Variants in PHLDB2 observed in about 807,000 individuals in gnomAD.
PHLDB2 encodes the protein pleckstrin homology-like domain family B member 2.
In PHLDB2, 71 loss-of-function variants were observed where a neutral mutation model predicts 123.6. The ratio of observed to expected loss-of-function variants is 0.57; its 90% CI spans 0.47 to 0.70. The LOEUF is 0.70. Among genes scored for constraint, PHLDB2 ranks in the 30% least tolerant of loss-of-function variants. The pLI, the probability that PHLDB2 is intolerant of heterozygous loss-of-function variation, is 0.00. For synonymous variants in PHLDB2, 547 were observed against 541.6 expected (o/e 1.01, Z -0.14); for missense variants, 1,446 against 1,519.5 (o/e 0.95, Z 0.80).
intron 1 of PHLDB2, among the ~76,000 whole-genome samples, chr3:111,809,396 T>C (rs1401301278): frequency 1.3e-5 from 2 of 152,218 alleles, no homozygotes; most frequent in African/African-American, 4.8e-5. Flanking sequence ...CTTATGAGAA[T>C]GCTGTCTCCA....
chr3:111,830,935 A>AAAAGAAGG (rs1396968621), intron 1 of PHLDB2, among the ~76,000 whole-genome samples: 19 of 120,068 alleles, frequency 1.6e-4, no homozygotes, highest in African/African-American at 5.9e-4. Flanking sequence ...AGAAAGAAAG[A>AAAAGAAGG]AAAGAAGGAA....
intron 2 of PHLDB2, among the ~76,000 whole-genome samples, chr3:111,909,776 TAA>T (rs552148205): frequency 2.1e-4 from 30 of 140,358 alleles, no homozygotes; most frequent in African/African-American, 5.7e-4. Flanking sequence ...TAGGTCCTCC[TAA>T]AAAAAAAAAA....
intron 1 of PHLDB2, among the ~76,000 whole-genome samples, chr3:111,750,852 A>G (rs912537666): frequency 6.6e-6 from 1 of 151,640 alleles, no homozygotes; most frequent in Non-Finnish European, 1.5e-5. Flanking sequence ...AGGCTGAGGC[A>G]TGAGAATCAC....
chr3:111,963,210 A>G (rs927509087), intron 13 of PHLDB2, among the ~76,000 whole-genome samples: 1 of 152,136 alleles, frequency 6.6e-6, no homozygotes, highest in Non-Finnish European at 1.5e-5. Flanking sequence ...CTGGCACTCT[A>G]GGTCCAGCCC....
At chr3:111,805,447 G>A (rs1160990361) in intron 1 of PHLDB2, among the ~76,000 whole-genome samples, 1 of 151,152 alleles carries the variant, frequency 6.6e-6, no homozygotes, top group Non-Finnish European at 1.5e-5. Flanking sequence ...TGTAGTCCCA[G>A]CTACTCGGGA....
intron 5 of PHLDB2, among the ~76,000 whole-genome samples, chr3:111,922,747 A>G (rs987404393): frequency 2.0e-5 from 3 of 152,204 alleles, no homozygotes; most frequent in Admixed American, 6.5e-5. Context: ...TTATTCCACC[A>G]TTTAATGACA....
intron 1 of PHLDB2, among the ~76,000 whole-genome samples, chr3:111,743,637 A>C (rs978697088): frequency 9.9e-5 from 15 of 152,216 alleles, no homozygotes; most frequent in Admixed American, 2.6e-4. Flanking sequence ...AATAGCCTAC[A>C]TTAGCATCCA....
chr3:111,912,442 A>G (rs1380391758), intron 2 of PHLDB2, among the ~76,000 whole-genome samples: 1 of 152,184 alleles, frequency 6.6e-6, no homozygotes, highest in Non-Finnish European at 1.5e-5. Flanking sequence ...TTTGAGTTAC[A>G]TCGGTGTGTA....
chr3:111,777,686 T>A (rs1466410146), intron 1 of PHLDB2, among the ~76,000 whole-genome samples: 9 of 140,820 alleles, frequency 6.4e-5, no homozygotes, highest in Non-Finnish European at 4.5e-5. Flanking sequence ...CCCATATGCA[T>A]CATATTTGCA....
At chr3:111,895,550 A>G (rs895043741) in intron 2 of PHLDB2, among the ~76,000 whole-genome samples, 3 of 152,234 alleles carry the variant, frequency 2.0e-5, no homozygotes, top group African/African-American at 7.2e-5. Flanking sequence ...AAGACCAACA[A>G]ATATATAGGA....
chr3:111,807,536 A>C (rs1222206857), intron 1 of PHLDB2, among the ~76,000 whole-genome samples: 2 of 152,156 alleles, frequency 1.3e-5, no homozygotes, highest in South Asian at 2.1e-4. Context: ...CCTGGGCCAC[A>C]TAGGAAGACC....
chr3:111,903,148 A>G (rs182685012), intron 2 of PHLDB2, among the ~76,000 whole-genome samples: 1 of 152,310 alleles, frequency 6.6e-6, no homozygotes, highest in East Asian at 1.9e-4. Flanking sequence ...GATATGAGAA[A>G]GTTCCTCAGG....
chr3:111,803,795 AAGTGAG>A (rs1328777965), intron 1 of PHLDB2, among the ~76,000 whole-genome samples: 9 of 152,376 alleles, frequency 5.9e-5, no homozygotes, highest in African/African-American at 1.9e-4. Context: ...CTTTAAAACA[AAGTGAG>A]ATAAAGAATG....
chr3:111,820,202 A>G (rs1384791539), intron 1 of PHLDB2, among the ~76,000 whole-genome samples: 1 of 152,174 alleles, frequency 6.6e-6, no homozygotes, highest in Non-Finnish European at 1.5e-5. Context: ...TGAGTCACAA[A>G]TTCCTCCACT....
At chr3:111,941,095 C>T (rs2069848236) in intron 8 of PHLDB2, among the ~76,000 whole-genome samples, 1 of 152,168 alleles carries the variant, frequency 6.6e-6, no homozygotes, top group Non-Finnish European at 1.5e-5. Flanking sequence ...GCAAATGTCA[C>T]ATTGCATTTA....
At chr3:111,943,582 A>G (rs2070064333) in intron 8 of PHLDB2, among the ~76,000 whole-genome samples, 1 of 152,202 alleles carries the variant, frequency 6.6e-6, no homozygotes, top group African/African-American at 2.4e-5. Flanking sequence ...AAAACAGGCA[A>G]AAGTCTTGAA....
At chr3:111,900,455 A>G (rs1391150354) in intron 2 of PHLDB2, among the ~76,000 whole-genome samples, 1 of 152,178 alleles carries the variant, frequency 6.6e-6, no homozygotes, top group Non-Finnish European at 1.5e-5. Flanking sequence ...CCTAATTTCA[A>G]TATTGTGTCT....
At chr3:111,854,208 C>T (rs911774251) in intron 2 of PHLDB2, among the ~76,000 whole-genome samples, 7 of 152,182 alleles carry the variant, frequency 4.6e-5, no homozygotes, top group African/African-American at 1.7e-4. Context: ...ATCATGAGAA[C>T]AGCATGGGGG....
chr3:111,969,659 T>C, intron 15 of PHLDB2, 31 bp from the exon 16 acceptor site: 1 of 1,557,448 alleles, frequency 6.4e-7, no homozygotes, highest in African/African-American at 1.4e-5. Context: ...AATAATTAGC[T>C]ATAGATGCAA....
Sources: allele counts gnomAD v4.1 joint callset (sites outside exome capture counted in the v4.1 genomes callset), GRCh38; gene constraint gnomAD v4.1.1; transcripts MANE v1.5; gene names NCBI Gene and HGNC (gene_info 2026-07-23, HGNC 2026-07-21).